The following VAV2 variants were observed in gnomAD, a reference collection of about 807,000 sequenced individuals.
The protein encoded by VAV2 is vav guanine nucleotide exchange factor 2.
VAV2 carries 67 observed loss-of-function variants against 132.5 expected under a neutral mutation model. The ratio of observed to expected loss-of-function variants is 0.51; its 90% CI spans 0.42 to 0.62. The LOEUF (loss-of-function observed/expected upper bound fraction) is 0.62. Ranked by LOEUF, VAV2 falls within the 20% of genes least tolerant of loss-of-function variation. The pLI, the probability that VAV2 is intolerant of heterozygous loss-of-function variation, is 0.00. For synonymous variants in VAV2, 492 were observed against 443.5 expected (o/e 1.11, Z -1.37); for missense variants, 938 against 1,153.6 (o/e 0.81, Z 2.71).
At chr9:133,931,041 C>T (rs943511071) in intron 2 of VAV2, among the ~76,000 whole-genome samples, 3 of 152,224 alleles carry the variant, frequency 2.0e-5, no homozygotes, top group African/African-American at 4.8e-5. Context: ...AGGTTCATTC[C>T]GCCCCGAGTG....
intron 2 of VAV2, among the ~76,000 whole-genome samples, chr9:133,862,292 T>G (rs1347166137): frequency 6.6e-6 from 1 of 152,196 alleles, no homozygotes; most frequent in Non-Finnish European, 1.5e-5. Flanking sequence ...GCTCTGCAGA[T>G]GAATACGGGG....
At chr9:133,849,147 T>C (rs1311440390) in intron 3 of VAV2, among the ~76,000 whole-genome samples, 4 of 152,044 alleles carry the variant, frequency 2.6e-5, no homozygotes, top group African/African-American at 9.7e-5. Context: ...GGACAGGAGT[T>C]GGAAAGGGCT....
At chr9:133,925,789 G>A (rs1455274956) in intron 2 of VAV2, 2 of 152,172 alleles carry the variant, frequency 1.3e-5, no homozygotes, top group Admixed American at 1.3e-4. Flanking sequence ...TACTCCTGGA[G>A]AAAGGTCTTC....
intron 1 of VAV2, among the ~76,000 whole-genome samples, chr9:133,946,139 G>A (rs545830683): frequency 6.6e-6 from 1 of 152,324 alleles, no homozygotes; most frequent in South Asian, 2.1e-4. Context: ...ACGAGAACCT[G>A]GGCCCTTCAT....
chr9:133,814,029 A>C (rs1835461365), intron 4 of VAV2, among the ~76,000 whole-genome samples: 1 of 151,704 alleles, frequency 6.6e-6, no homozygotes, highest in Non-Finnish European at 1.5e-5. Flanking sequence ...CTCCACCATG[A>C]GAGGTCCATC....
At position 133,882,267 on chromosome 9, in the gene VAV2, C is replaced by T. The variant is rs545222188; in HGVS notation, c.322-20835G>A. 4.6e-5 allele frequency among the ~76,000 whole-genome samples: 7 copies of T among 152,370 alleles called. No homozygotes were observed. In the East Asian group the frequency reaches 7.7e-4, roughly 17 times the overall value. ...CCTGCAGTGAAGCAGGTGAAGCACG[C>T]AGGCCGCCAAGGGCACAGACCCTGT... On this transcript the variant is annotated intron_variant, in intron 2 of 29. Transcript: ENST00000371850.
chr9:133,802,370 C>T lies in VAV2; in HGVS notation c.836+3711G>A, dbSNP rs1478610889. ...CACACACACACGACTTCATGCATTCCTGGTCTGGTTGGAGCACCTCCCAGG... is the reference window on the plus strand; with the variant it reads ...CACACACACACGACTTCATGCATTCTTGGTCTGGTTGGAGCACCTCCCAGG... On this transcript the variant is annotated intron_variant, in intron 9 of 29. Coordinates refer to ENST00000371850, the MANE Select transcript of VAV2 (RefSeq NM_001134398.2). The surrounding 1 kb of genome is among the most constrained non-coding windows in gnomAD (Gnocchi z 5.8). 6.9e-6 allele frequency among the ~76,000 whole-genome samples: 1 copy of T among 145,548 alleles called. No homozygotes were observed. The highest frequency in any genetic ancestry group is 1.5e-5 in the Non-Finnish European group (1 of 65,714).
chr9:133,817,994 G>C (rs1835628289), intron 4 of VAV2, among the ~76,000 whole-genome samples: 1 of 152,154 alleles, frequency 6.6e-6, no homozygotes, highest in Admixed American at 6.5e-5. Context: ...ATTTGAATCA[G>C]AAGACCAAGT....
intron 9 of VAV2, among the ~76,000 whole-genome samples, chr9:133,801,296 C>T (rs750839284): frequency 6.6e-6 from 1 of 152,254 alleles, no homozygotes; most frequent in Non-Finnish European, 1.5e-5. Context: ...ACGGGCTTCA[C>T]ACCCGGGCTC....
Position 133,826,623 on chromosome 9 carries a change from C to A in VAV2, c.449+7649G>T, listed in dbSNP as rs112202646. Reference sequence around the variant, plus strand: ...TCTAGCAGCACACTCTGGGAAGAGGCTCCAGGTCCAACCACCCCTCCCCCA... The same window carrying A: ...TCTAGCAGCACACTCTGGGAAGAGGATCCAGGTCCAACCACCCCTCCCCCA... On this transcript the variant is annotated intron_variant, in intron 4 of 29. Transcript: ENST00000371850. This position sits in a 1 kb window ranked among gnomAD's most constrained non-coding sequence, Gnocchi z 4.2. Among the ~76,000 whole-genome samples, 7 of 152,200 alleles carry A rather than the reference C, an allele frequency of 4.6e-5. No individual in the cohort carries two copies. The highest frequency in any genetic ancestry group is 8.8e-5 in the Non-Finnish European group (6 of 68,016).
chr9:133,906,487 G>A (rs1255825821), intron 2 of VAV2, among the ~76,000 whole-genome samples: 1 of 152,214 alleles, frequency 6.6e-6, no homozygotes, highest in African/African-American at 2.4e-5. Flanking sequence ...AGGCTGCAGA[G>A]AGCCAGCCAG....
At chr9:133,847,564 G>A (rs1836984501) in intron 3 of VAV2, among the ~76,000 whole-genome samples, 1 of 152,172 alleles carries the variant, frequency 6.6e-6, no homozygotes, top group Admixed American at 6.5e-5. Context: ...GACACCCTGG[G>A]CCAGGGGCTC....
intron 2 of VAV2, among the ~76,000 whole-genome samples, chr9:133,862,102 T>C (rs1588282099): frequency 6.6e-6 from 1 of 152,024 alleles, no homozygotes; most frequent in Non-Finnish European, 1.5e-5. Context: ...AAGAGGAAGG[T>C]TTGGTGAGAA....
rs61761612 is a variant in VAV2 at position 133,795,723 on chromosome 9, T to A, written c.1046A>T (p.His349Leu). Reference sequence around the variant, plus strand: ...CTGCCTCTCAGGCCGTTCCGCAGAATGGCTCAGAAGCTCCTGGAAGGGTGA... The same window carrying A: ...CTGCCTCTCAGGCCGTTCCGCAGAAAGGCTCAGAAGCTCCTGGAAGGGTGA... ...YHLLLKELLS[H>L]SAERPERQQL... is the part of the protein sequence containing the mutation. Residue 349 changes from histidine (H) to leucine (L), a missense_variant, in exon 12 of 30, where the codon CAT becomes CTT. Coordinates refer to ENST00000371850, the MANE Select transcript of VAV2 (RefSeq NM_001134398.2). 1.7e-4 allele frequency: 279 copies of A among 1,614,002 alleles called. No individual in the cohort carries two copies. Among genetic ancestry groups the A allele is most frequent in the Middle Eastern group, 4.9e-4 (3 of 6,080 alleles).
intron 1 of VAV2, among the ~76,000 whole-genome samples, chr9:133,941,619 G>GA (rs1841164239): frequency 9.6e-6 from 1 of 104,132 alleles, no homozygotes; most frequent in Non-Finnish European, 2.0e-5. Flanking sequence ...GGGGGGGGGG[G>GA]GGGACGGAAT....
In VAV2 at chr9:133,788,014, G is replaced by A. The variant is rs1329163204; in HGVS notation, c.1407+340C>T. On this transcript the variant is annotated intron_variant, in intron 15 of 29. Transcript: ENST00000371850. This position sits in a 1 kb window ranked among gnomAD's most constrained non-coding sequence, Gnocchi z 5.3. ...TGGGCTAGAGTCAGGCTGGCCAGAT[G>A]GAAAGCCAAGGTTGAAAGTCCCACC... 6.6e-6 allele frequency among the ~76,000 whole-genome samples: 1 copy of A among 152,240 alleles called. No individual in the cohort carries two copies. The highest frequency in any genetic ancestry group is 1.5e-5 in the Non-Finnish European group (1 of 68,032).
Position 133,918,920 on chromosome 9 carries a change from C to T in VAV2, c.321+20183G>A, listed in dbSNP as rs1056268720. Reference sequence around the variant, plus strand: ...CCTCCCAAGTAGCTGGGATTACAGGCGTGCACCACCACACCAGGCTAATTT... The same window carrying T: ...CCTCCCAAGTAGCTGGGATTACAGGTGTGCACCACCACACCAGGCTAATTT... On this transcript the variant is annotated intron_variant, in intron 2 of 29. Coordinates refer to ENST00000371850, the MANE Select transcript of VAV2 (RefSeq NM_001134398.2). This position sits in a 1 kb window ranked among gnomAD's most constrained non-coding sequence, Gnocchi z 4.7. Among the ~76,000 whole-genome samples the T allele has an allele frequency of 6.6e-6, 1 of 152,034 alleles. No individual in the cohort carries two copies. Among genetic ancestry groups the T allele is most frequent in the African/African-American group, 2.4e-5 (1 of 41,398 alleles).
Position 133,768,417 on chromosome 9 carries a change from A to G in VAV2, c.2589+25T>C, listed in dbSNP as rs773128563. ...TAGGGGCTGCAGCGAGGCCAGCCCC[A>G]CACCCTCAGGGTGGGGCCACTCACC... On this transcript the variant is annotated intron_variant, in intron 29 of 29. Coordinates refer to ENST00000371850, the MANE Select transcript of VAV2 (RefSeq NM_001134398.2). The surrounding 1 kb of genome is among the most constrained non-coding windows in gnomAD (Gnocchi z 5.3). 2 of 1,608,424 alleles carry G rather than the reference A, an allele frequency of 1.2e-6. No homozygotes were observed. The highest frequency in any genetic ancestry group is 1.7e-5 in the Admixed American group (1 of 59,844).
intron 17 of VAV2, among the ~76,000 whole-genome samples, 176 bp from the exon 18 acceptor site, chr9:133,784,594 T>C (rs1834144435): frequency 6.6e-6 from 1 of 152,212 alleles, no homozygotes; most frequent in Non-Finnish European, 1.5e-5. Flanking sequence ...CCAGACTCCC[T>C]GCTCGTAGAA....
Sources: allele counts gnomAD v4.1 joint callset (sites outside exome capture counted in the v4.1 genomes callset), GRCh38; gene constraint gnomAD v4.1.1; non-coding constraint Gnocchi (gnomAD v3.1); transcripts MANE v1.5; gene names NCBI Gene and HGNC (gene_info 2026-07-23, HGNC 2026-07-21).